CCDC85A: variants seen among roughly 807,000 people sequenced by gnomAD.
CCDC85A encodes the protein coiled-coil domain containing 85A.
In CCDC85A, 38 loss-of-function variants were observed where a neutral mutation model predicts 50.2. The observed-to-expected ratio is 0.76, with a 90% CI of 0.58 to 0.99. The LOEUF is 0.99. Among genes scored for constraint, CCDC85A ranks in the 50% least tolerant of loss-of-function variants. CCDC85A has a pLI of 0.00. For missense variants in CCDC85A, 820 were observed against 742.0 expected (o/e 1.11, Z -1.22); for synonymous variants, 366 against 301.4 (o/e 1.21, Z -2.22).
chr2:56,296,310 G>C (rs550298715), intron 2 of CCDC85A, among the ~76,000 whole-genome samples: 1 of 152,260 alleles, frequency 6.6e-6, no homozygotes, highest in East Asian at 1.9e-4. Context: ...TTGCCCTACT[G>C]TGCCAGGATG....
chr2:56,366,175 G>A (rs1365562551), intron 3 of CCDC85A, among the ~76,000 whole-genome samples: 1 of 152,150 alleles, frequency 6.6e-6, no homozygotes, highest in Non-Finnish European at 1.5e-5. Context: ...CACTTAGGTT[G>A]TTTCCATATC....
At chr2:56,201,220 C>T (rs1381113725) in intron 2 of CCDC85A, among the ~76,000 whole-genome samples, 1 of 151,780 alleles carries the variant, frequency 6.6e-6, no homozygotes. Flanking sequence ...TTTATACCTC[C>T]TTCACCTTCA....
chr2:56,279,264 G>T (rs945831777), intron 2 of CCDC85A, among the ~76,000 whole-genome samples: 1 of 152,104 alleles, frequency 6.6e-6, no homozygotes. Context: ...AAATTTTATG[G>T]AGTTATAATT....
At chr2:56,325,605 A>G (rs1673426117) in intron 2 of CCDC85A, among the ~76,000 whole-genome samples, 1 of 152,154 alleles carries the variant, frequency 6.6e-6, no homozygotes, top group Non-Finnish European at 1.5e-5. Context: ...TCAGTTTTCC[A>G]GAAGAGAGAG....
chr2:56,186,886 T>A (rs1676071593), intron 1 of CCDC85A, among the ~76,000 whole-genome samples: 1 of 152,186 alleles, frequency 6.6e-6, no homozygotes, highest in Middle Eastern at 3.2e-3. Context: ...ATTCATGACC[T>A]GGCATTAAAA....
intron 5 of CCDC85A, among the ~76,000 whole-genome samples, chr2:56,380,207 A>G (rs560183795): frequency 6.6e-6 from 1 of 152,290 alleles, no homozygotes; most frequent in East Asian, 1.9e-4. Context: ...AAAACCTATG[A>G]TAAAGAAAAT....
At chr2:56,346,296 T>C (rs1472172640) in intron 3 of CCDC85A, among the ~76,000 whole-genome samples, 3 of 152,198 alleles carry the variant, frequency 2.0e-5, no homozygotes, top group African/African-American at 7.2e-5. Flanking sequence ...ATTTTTTCAT[T>C]TGTAAATGAA....
chr2:56,357,401 C>T (rs955523074), intron 3 of CCDC85A, among the ~76,000 whole-genome samples: 2 of 152,176 alleles, frequency 1.3e-5, no homozygotes, highest in Non-Finnish European at 2.9e-5. Context: ...TTTCTTGTGG[C>T]TACAGTTGAT....
At chr2:56,320,073 A>C (rs1396709958) in intron 2 of CCDC85A, among the ~76,000 whole-genome samples, 1 of 152,184 alleles carries the variant, frequency 6.6e-6, no homozygotes, top group Non-Finnish European at 1.5e-5. Context: ...AGAAATAAAG[A>C]TGTTATTTGA....
intron 2 of CCDC85A, among the ~76,000 whole-genome samples, chr2:56,341,531 A>T (rs928414330): frequency 6.6e-6 from 1 of 152,172 alleles, no homozygotes; most frequent in Admixed American, 6.5e-5. Flanking sequence ...TTGTTGTGTG[A>T]TGAATGAATT....
At chr2:56,313,151 C>G (rs998293069) in intron 2 of CCDC85A, among the ~76,000 whole-genome samples, 5 of 152,070 alleles carry the variant, frequency 3.3e-5, no homozygotes, top group Admixed American at 1.3e-4. Context: ...GGCTGTTACT[C>G]TTTGTACAAT....
At chr2:56,208,524 T>C (rs1465343432) in intron 2 of CCDC85A, among the ~76,000 whole-genome samples, 1 of 152,148 alleles carries the variant, frequency 6.6e-6, no homozygotes. Context: ...CCTGTGTTGA[T>C]GTAAATCAAG....
At chr2:56,371,378 C>T (rs566237901) in intron 3 of CCDC85A, among the ~76,000 whole-genome samples, 5 of 151,856 alleles carry the variant, frequency 3.3e-5, no homozygotes, top group East Asian at 3.9e-4. Context: ...AGATATAGGC[C>T]GCTAACTTCA....
At chr2:56,297,178 C>T (rs1343085428) in intron 2 of CCDC85A, among the ~76,000 whole-genome samples, 1 of 151,952 alleles carries the variant, frequency 6.6e-6, no homozygotes, top group Non-Finnish European at 1.5e-5. Context: ...CAAATGCTTC[C>T]CATAGTGGCA....
At chr2:56,245,011 C>T (rs1039097163) in intron 2 of CCDC85A, among the ~76,000 whole-genome samples, 1 of 152,106 alleles carries the variant, frequency 6.6e-6, no homozygotes, top group Non-Finnish European at 1.5e-5. Flanking sequence ...TCTTTTGGAG[C>T]TGCAAGCTGT....
chr2:56,374,955 G>T (rs569199663), intron 4 of CCDC85A, among the ~76,000 whole-genome samples: 5 of 152,348 alleles, frequency 3.3e-5, no homozygotes, highest in African/African-American at 1.2e-4. Flanking sequence ...TAAATAGGTT[G>T]ATAGGCAGAA....
chr2:56,283,233 C>A (rs1573170683), intron 2 of CCDC85A, among the ~76,000 whole-genome samples: 2 of 152,132 alleles, frequency 1.3e-5, no homozygotes, highest in East Asian at 3.8e-4. Flanking sequence ...GAAAAGCATT[C>A]AGTATTTCAC....
chr2:56,298,063 C>A (rs948200217), intron 2 of CCDC85A, among the ~76,000 whole-genome samples: 1 of 152,138 alleles, frequency 6.6e-6, no homozygotes, highest in African/African-American at 2.4e-5. Flanking sequence ...GCATCAGAAC[C>A]ATCTTGCATA....
At chr2:56,263,850 G>A (rs1195515038) in intron 2 of CCDC85A, among the ~76,000 whole-genome samples, 1 of 152,128 alleles carries the variant, frequency 6.6e-6, no homozygotes, top group Non-Finnish European at 1.5e-5. Flanking sequence ...GGGTTACCTG[G>A]GGTTTTAGTC....
Sources: gnomAD v4.1 joint callset for allele counts (sites outside exome capture counted in the v4.1 genomes callset) on GRCh38, gnomAD v4.1.1 for gene constraint, MANE v1.5 for transcripts, NCBI Gene and HGNC (gene_info 2026-07-23, HGNC 2026-07-21) for gene names.